Variants in NOTCH1 observed in about 807,000 individuals in gnomAD.
NOTCH1 encodes the protein neurogenic locus notch homolog protein 1.
NOTCH1 carries 37 observed loss-of-function variants against 254.8 expected under a neutral mutation model. The ratio of observed to expected loss-of-function variants is 0.15; its 90% confidence interval spans 0.11 to 0.19. The LOEUF is 0.19. Among genes scored for constraint, NOTCH1 ranks in the 10% least tolerant of loss-of-function variants. The probability of loss-of-function intolerance (pLI) is 1.00; values close to 1 mark genes in which losing one functional copy is unlikely to be tolerated. For missense variants in NOTCH1, 2,972 were observed against 3,708.6 expected (o/e 0.80, Z 5.16); for synonymous variants, 1,731 against 1,618.1 (o/e 1.07, Z -1.68).
chr9:136,528,145 G>A (rs1037437722), intron 2 of NOTCH1, among the ~76,000 whole-genome samples: 1 of 151,306 alleles, frequency 6.6e-6, no homozygotes, highest in Non-Finnish European at 1.5e-5. Flanking sequence ...GACTCAGTGC[G>A]GGTAGGACTC....
At chr9:136,543,679 G>A in intron 2 of NOTCH1, 1 of 445,286 alleles carries the variant, frequency 2.2e-6, no homozygotes, top group Non-Finnish European at 4.2e-6. Flanking sequence ...TGGGGGCTGG[G>A]CCTCTCAGTA....
intron 2 of NOTCH1, among the ~76,000 whole-genome samples, chr9:136,534,123 G>A (rs568879009): frequency 6.6e-6 from 1 of 152,290 alleles, no homozygotes; most frequent in Non-Finnish European, 1.5e-5. Flanking sequence ...GGAGACGGGG[G>A]AGTCCACTTC....
At chr9:136,533,459 G>A (rs576891438) in intron 2 of NOTCH1, among the ~76,000 whole-genome samples, 14 of 152,380 alleles carry the variant, frequency 9.2e-5, no homozygotes, top group South Asian at 2.1e-4. Flanking sequence ...CCCACCACGC[G>A]GCCCTGCTGT....
intron 2 of NOTCH1, among the ~76,000 whole-genome samples, chr9:136,539,960 G>A (rs1423620566): frequency 5.3e-5 from 8 of 152,208 alleles, no homozygotes; most frequent in East Asian, 1.9e-4. Context: ...GGGAAATGAC[G>A]GGGCAGCTCA....
chr9:136,527,300 A>T (rs1296685963), intron 2 of NOTCH1, among the ~76,000 whole-genome samples: 1 of 152,230 alleles, frequency 6.6e-6, no homozygotes, highest in Non-Finnish European at 1.5e-5. Context: ...CATGGCCAGG[A>T]CCACCAGCCT....
rs1490073567 is a variant in NOTCH1 at position 136,515,696 on chromosome 9, C to T, written c.1690G>A (p.Glu564Lys). 6.5e-6 allele frequency: 10 copies of T among 1,545,416 alleles called. No homozygotes were observed. Among genetic ancestry groups the T allele is most frequent in the East Asian group, 2.4e-5 (1 of 41,378 alleles). ...CTEGYTGTHC[E>K]VDIDECDPDP... is the part of the protein sequence containing the mutation. ...GGGTCGCACTCATCGATGTCCACCT[C>T]GCAGTGCGTCCCCGTGTACCCTGGA... The change falls in exon 11 of 34, where the codon GAG becomes AAG. Residue 564 changes from glutamate to lysine, a missense_variant. Physicochemically the swap from Glu to Lys is moderately conservative, Grantham distance 56 (BLOSUM62 1). Coordinates refer to ENST00000651671, the MANE Select transcript of NOTCH1 (RefSeq NM_017617.5).
chr9:136,544,097 G>C lies in NOTCH1; in HGVS notation c.67C>G (p.Arg23Gly). Residue 23 changes from arginine (R) to glycine (G), a missense_variant, in exon 2 of 34, where the codon CGA (arginine) becomes GGA (glycine). Around this residue, in one of 8 missense-constraint regions of NOTCH1, gnomAD observed 374 missense variants for 496.3 expected, o/e 0.75. Coordinates refer to ENST00000651671, the MANE Select transcript of NOTCH1 (RefSeq NM_017617.5). ...LLPALAARGP[R>G]CSQPGETCLN... ...CAGGTCTCACCGGGCTGGGAGCATC[G>C]CGGGCCTAGGCAGGGGCAGGAGAAG... 3 of 1,572,570 alleles carry C rather than the reference G, an allele frequency of 1.9e-6. No homozygotes were observed. Among genetic ancestry groups the C allele is most frequent in the Middle Eastern group, 2.2e-4 (1 of 4,462 alleles).
At chr9:136,508,204 C>T in intron 20 of NOTCH1, 28 bp downstream of exon 20, 1 of 1,609,522 alleles carries the variant, frequency 6.2e-7, no homozygotes, top group Non-Finnish European at 8.5e-7. Flanking sequence ...TGGGCTGGGA[C>T]CCGAGCTGGG....
chr9:136,497,927 C>T (rs1222662351), intron 33 of NOTCH1, among the ~76,000 whole-genome samples: 11 of 152,180 alleles, frequency 7.2e-5, no homozygotes, highest in African/African-American at 2.4e-5. Context: ...TCAGAGGCAC[C>T]GGCGAGGGCA....
At chr9:136,499,321 A>G in intron 31 of NOTCH1, 62 bp from the exon 32 acceptor site, 1 of 1,590,336 alleles carries the variant, frequency 6.3e-7, no homozygotes, top group Non-Finnish European at 8.5e-7. Context: ...CCTCCTGCCC[A>G]GAACGAACGC....
In NOTCH1 at chr9:136,519,501, C is replaced by T. The variant is rs1395805078; in HGVS notation, c.807G>A (p.Gly269=). The T allele has an allele frequency of 6.2e-7, 1 of 1,613,056 alleles. No individual in the cohort carries two copies. Among genetic ancestry groups the T allele is most frequent in the East Asian group, 2.2e-5 (1 of 44,882 alleles). The change falls in exon 5 of 34, where the codon GGG becomes GGA. Residue 269 remains glycine (G), a synonymous_variant. Coordinates refer to ENST00000651671, the MANE Select transcript of NOTCH1 (RefSeq NM_017617.5). The part of the protein sequence containing the change: ...DDCPGNNCKN[G]GACVDGVNTY... ...TGTTCACGCCGTCCACACAGGCACC[C>T]CCGTTCTTGCAGTTGTTTCCTGGAC...
At chr9:136,523,570 AG>A (rs1232772928) in intron 3 of NOTCH1, 146 bp downstream of exon 3, 1 of 1,010,532 alleles carries the variant, frequency 9.9e-7, no homozygotes. Context: ...CAGGTCTGGG[AG>A]GGGGGCAGGG....
intron 2 of NOTCH1, among the ~76,000 whole-genome samples, chr9:136,525,711 A>G (rs1843448766): frequency 6.6e-6 from 1 of 152,152 alleles, no homozygotes. Flanking sequence ...AGTGTCTCCA[A>G]TCAAACCTGT....
At position 136,540,394 on chromosome 9, in the gene NOTCH1, CG is replaced by C. The variant is rs1429574120; in HGVS notation, c.140+3629del. 6.6e-6 allele frequency among the ~76,000 whole-genome samples: 1 copy of C among 152,032 alleles called. No individual in the cohort carries two copies. The highest frequency in any genetic ancestry group is 1.5e-5 in the Non-Finnish European group (1 of 67,956). On this transcript the variant is annotated intron_variant, in intron 2 of 33. Transcript: ENST00000651671. This position sits in a 1 kb window ranked among gnomAD's most constrained non-coding sequence, Gnocchi z 4.4. ...CCTGGGAGATGGACTTCCCCAGAGC[CG>C]GCAAGTCCCTCCCCAGGCAGTGCCA...
intron 12 of NOTCH1, 128 bp downstream of exon 12, chr9:136,515,162 C>A: frequency 1.2e-6 from 1 of 832,604 alleles, no homozygotes; most frequent in East Asian, 2.7e-5. Context: ...ATCTCTGCTG[C>A]AGACCACGGT....
At position 136,519,476 on chromosome 9, in the gene NOTCH1, T is replaced by C; in HGVS notation, c.832A>G (p.Thr278Ala). 1 of 1,612,884 alleles carries C rather than the reference T, an allele frequency of 6.2e-7. No individual in the cohort carries two copies. The highest frequency in any genetic ancestry group is 1.1e-5 in the South Asian group (1 of 91,086). The change falls in exon 5 of 34, where the codon ACC becomes GCC. Residue 278 changes from threonine to alanine, a missense_variant. Around this residue, in one of 8 missense-constraint regions of NOTCH1, gnomAD observed 374 missense variants for 496.3 expected, o/e 0.75. Transcript: ENST00000651671. ...TCTGGCGGGCAGCGGCAGTTGTAGG[T>C]GTTCACGCCGTCCACACAGGCACCC... ...NGGACVDGVNTYNCRCPPEWT... is the reference protein window; with the variant it reads ...NGGACVDGVNAYNCRCPPEWT...
intron 6 of NOTCH1, 110 bp downstream of exon 6, chr9:136,518,481 C>T (rs1843314087): frequency 3.4e-6 from 4 of 1,181,574 alleles, no homozygotes; most frequent in Non-Finnish European, 4.9e-6. Flanking sequence ...CAGAAAGGCC[C>T]TTTCAGGTTA....
At chr9:136,511,785 G>C (rs367606626) in intron 15 of NOTCH1, among the ~76,000 whole-genome samples, 1 of 152,256 alleles carries the variant, frequency 6.6e-6, no homozygotes, top group Non-Finnish European at 1.5e-5. Flanking sequence ...GCGATGGAGG[G>C]GACAGGCCCA....
Position 136,506,993 on chromosome 9 carries a change from C to A in NOTCH1, c.3644-20G>T, listed in dbSNP as rs1263899232. ...GCACACCTGCGGGGCCAGGTTTCGT[C>A]AGTGGCCCAAGCCCGCCACACCCCG... On this transcript the variant is annotated intron_variant, in intron 22 of 33. Transcript: ENST00000651671. This position sits in a 1 kb window ranked among gnomAD's most constrained non-coding sequence, Gnocchi z 4.5. The A allele has an allele frequency of 1.9e-6, 3 of 1,566,228 alleles. No homozygotes were observed. The highest frequency in any genetic ancestry group is 2.3e-5 in the South Asian group (2 of 85,738).
Sources: allele counts gnomAD v4.1 joint callset (sites outside exome capture counted in the v4.1 genomes callset), GRCh38; gene constraint gnomAD v4.1.1; regional missense constraint gnomAD v4.1.1; non-coding constraint Gnocchi (gnomAD v3.1); transcripts MANE v1.5; gene names NCBI Gene and HGNC (gene_info 2026-07-23, HGNC 2026-07-21).